Variants in ATP6V1E2 observed in about 807,000 individuals in gnomAD.
ATP6V1E2 encodes the protein V-type proton ATPase subunit E 2.
For missense variants in ATP6V1E2, 308 were observed against 273.3 expected (o/e 1.13, Z -0.90); for synonymous variants, 121 against 104.2 (o/e 1.16, Z -0.98).
chr2:46,525,740 G>C (rs1053092156), intron 4 of ATP6V1E2, among the ~76,000 whole-genome samples: 5 of 152,178 alleles, frequency 3.3e-5, no homozygotes, highest in Admixed American at 3.3e-4. Flanking sequence ...ACAGGCAGGG[G>C]AAGAAACCTT....
At chr2:46,528,749 G>C (rs1031474456) in intron 4 of ATP6V1E2, among the ~76,000 whole-genome samples, 2 of 152,230 alleles carry the variant, frequency 1.3e-5, no homozygotes, top group Non-Finnish European at 2.9e-5. Context: ...AATTCACCTA[G>C]AGACACAAAA....
chr2:46,521,754 G>C (rs181746291), intron 4 of ATP6V1E2, among the ~76,000 whole-genome samples: 1 of 151,966 alleles, frequency 6.6e-6, no homozygotes, highest in Non-Finnish European at 1.5e-5. Flanking sequence ...GCAGTGGTGC[G>C]ATCTTGGCTC....
intron 4 of ATP6V1E2, among the ~76,000 whole-genome samples, chr2:46,525,257 G>A (rs980524155): frequency 2.6e-5 from 4 of 151,784 alleles, no homozygotes; most frequent in Non-Finnish European, 1.5e-5. Flanking sequence ...GGCGGATCAC[G>A]AGGTCAGGAG....
chr2:46,515,229 T>C (rs1687660376), intron 4 of ATP6V1E2, among the ~76,000 whole-genome samples: 1 of 152,176 alleles, frequency 6.6e-6, no homozygotes, highest in Non-Finnish European at 1.5e-5. Flanking sequence ...TACAGAATAC[T>C]GTAATACTGT....
intron 2 of ATP6V1E2, chr2:46,537,444 G>C (rs1283345046): frequency 6.6e-6 from 1 of 152,170 alleles, no homozygotes; most frequent in Non-Finnish European, 1.5e-5. Flanking sequence ...TCAATGAGTG[G>C]GTCAAGAGAA....
chr2:46,531,625 C>T lies in ATP6V1E2; in HGVS notation c.-102+4188G>A, dbSNP rs565278825. 9.2e-5 allele frequency among the ~76,000 whole-genome samples: 14 copies of T among 152,332 alleles called. No individual in the cohort carries two copies. The East Asian group carries it at 2.7e-3, about 29-fold the overall frequency. On this transcript the variant is annotated intron_variant, in intron 4 of 4. Transcript: ENST00000522587. ...TTCGAACTGTTTTCCAGAGGTTGAA[C>T]CATTTTACGTTCCCACCAGCAATCT...
intron 4 of ATP6V1E2, among the ~76,000 whole-genome samples, chr2:46,529,958 A>C (rs1228607845): frequency 6.6e-6 from 1 of 152,116 alleles, no homozygotes; most frequent in African/African-American, 2.4e-5. Context: ...GCACTCAGGG[A>C]GCTCAGGGTA....
intron 4 of ATP6V1E2, chr2:46,528,132 C>A (rs1452092926): frequency 6.6e-6 from 1 of 152,158 alleles, no homozygotes; most frequent in Non-Finnish European, 1.5e-5. Context: ...TATATCAAAC[C>A]TTTTGTTATA....
intron 4 of ATP6V1E2, among the ~76,000 whole-genome samples, chr2:46,516,723 A>G (rs1687725287): frequency 2.2e-5 from 3 of 138,828 alleles, no homozygotes. Flanking sequence ...GAAAATTTAT[A>G]GTAGTAAACT....
chr2:46,532,043 A>G (rs574231633), intron 4 of ATP6V1E2, among the ~76,000 whole-genome samples: 1 of 152,308 alleles, frequency 6.6e-6, no homozygotes, highest in Non-Finnish European at 1.5e-5. Context: ...AATTTTTATG[A>G]AGTCCAGTTT....
At chr2:46,523,780 T>C (rs1013499561) in intron 4 of ATP6V1E2, among the ~76,000 whole-genome samples, 14 of 152,132 alleles carry the variant, frequency 9.2e-5, no homozygotes, top group African/African-American at 3.4e-4. Flanking sequence ...ATGTCAATGG[T>C]AGTTTAATGG....
At chr2:46,516,928 G>A (rs890030693) in intron 4 of ATP6V1E2, among the ~76,000 whole-genome samples, 3 of 152,140 alleles carry the variant, frequency 2.0e-5, no homozygotes, top group African/African-American at 7.2e-5. Flanking sequence ...CACAGATTCT[G>A]TGCAATCCCT....
rs1035981172 is a variant in ATP6V1E2, at chr2:46,535,429, G to A, written c.-102+384C>T. On this transcript the variant is annotated intron_variant, in intron 4 of 4. Transcript: ENST00000522587. The surrounding 1 kb of genome is among the most constrained non-coding windows in gnomAD (Gnocchi z 4.4). Reference sequence around the variant, plus strand: ...GAAAGAAATCTTAAAAGGATCACAGGCAGGTCACAGGATTTAGAAAGGCTA... The same window carrying A: ...GAAAGAAATCTTAAAAGGATCACAGACAGGTCACAGGATTTAGAAAGGCTA... The A allele has an allele frequency of 6.6e-6, 1 of 152,204 alleles. No homozygotes were observed. Among genetic ancestry groups the A allele is most frequent in the Non-Finnish European group, 1.5e-5 (1 of 68,046 alleles). The allele number at this position is 152,204 out of a possible 1,614,324, so 9.4% of individuals were successfully genotyped here. A position where few individuals can be genotyped will look rare whatever the true frequency, so the allele number is the denominator to read the frequency against.
chr2:46,539,882 A>G (rs1457184875), intron 2 of ATP6V1E2, among the ~76,000 whole-genome samples: 1 of 152,222 alleles, frequency 6.6e-6, no homozygotes, highest in African/African-American at 2.4e-5. Flanking sequence ...CTGCACCTCC[A>G]GAAGCCTATT....
chr2:46,540,815 C>T (rs1391095228), intron 2 of ATP6V1E2, among the ~76,000 whole-genome samples: 6 of 152,014 alleles, frequency 3.9e-5, no homozygotes, highest in Non-Finnish European at 8.8e-5. Context: ...GTATTCCTGG[C>T]AGTCAGTTTT....
chr2:46,524,066 T>A (rs539603150), intron 4 of ATP6V1E2, among the ~76,000 whole-genome samples: 6 of 151,212 alleles, frequency 4.0e-5, no homozygotes, highest in African/African-American at 1.5e-4. Flanking sequence ...ACTTGTGTTT[T>A]TGCACATTGA....
chr2:46,538,628 AGTGGTGGTG>A (rs879731088), intron 2 of ATP6V1E2, among the ~76,000 whole-genome samples: 2 of 151,736 alleles, frequency 1.3e-5, no homozygotes, highest in African/African-American at 4.8e-5. Context: ...ATGGGGGAGT[AGTGGTGGTG>A]GTGGTGGTGG....
intron 4 of ATP6V1E2, among the ~76,000 whole-genome samples, chr2:46,525,331 G>C (rs1365016885): frequency 6.6e-6 from 1 of 151,780 alleles, no homozygotes; most frequent in Middle Eastern, 3.2e-3. Flanking sequence ...GCGCAGTGGC[G>C]GGCGCCTGTA....
At chr2:46,524,082 T>G (rs111424900) in intron 4 of ATP6V1E2, among the ~76,000 whole-genome samples, 175 of 151,470 alleles carry the variant, frequency 1.2e-3, no homozygotes, top group Non-Finnish European at 1.5e-3. Context: ...ATTGATTTTG[T>G]ATCCTGAGAT....
Sources: allele counts gnomAD v4.1 joint callset (sites outside exome capture counted in the v4.1 genomes callset), GRCh38; gene constraint gnomAD v4.1.1; non-coding constraint Gnocchi (gnomAD v3.1); transcripts MANE v1.5; gene names NCBI Gene and HGNC (gene_info 2026-07-23, HGNC 2026-07-21).